GUCY1B1: variants seen among roughly 807,000 people sequenced by gnomAD.
GUCY1B1 encodes the protein guanylate cyclase 1 soluble subunit beta 1, also known as guanylate cyclase soluble subunit beta-1.
GUCY1B1 carries 43 observed loss-of-function variants against 71.0 expected under a neutral mutation model. The observed-to-expected ratio is 0.61, with a 90% CI of 0.47 to 0.78. The LOEUF (loss-of-function observed/expected upper bound fraction) is 0.78. Ranked by LOEUF, GUCY1B1 falls within the 30% of genes least tolerant of loss-of-function variation. The probability of loss-of-function intolerance (pLI) is 0.00; values close to 1 mark genes in which losing one functional copy is unlikely to be tolerated. For synonymous variants in GUCY1B1, 266 were observed against 259.7 expected, an observed-to-expected ratio of 1.02 and a Z score of -0.23; for missense variants, 535 against 754.1, an observed-to-expected ratio of 0.71 and a Z score of 3.40.
intron 8 of GUCY1B1, among the ~76,000 whole-genome samples, chr4:155,798,050 T>A (rs1308606085): frequency 6.6e-6 from 1 of 152,160 alleles, no homozygotes; most frequent in African/African-American, 2.4e-5. Flanking sequence ...GCAATTTCTA[T>A]TTATGGAAAG....
At chr4:155,790,873 GTTAGTTC>G (rs1018536506) in intron 5 of GUCY1B1, among the ~76,000 whole-genome samples, 1 of 152,146 alleles carries the variant, frequency 6.6e-6, no homozygotes, top group Non-Finnish European at 1.5e-5. Context: ...AGAAGTTGGT[GTTAGTTC>G]TTACGTGGCA....
intron 4 of GUCY1B1, among the ~76,000 whole-genome samples, chr4:155,781,726 ACTC>A (rs1738430619): frequency 6.6e-6 from 1 of 151,778 alleles, no homozygotes; most frequent in Non-Finnish European, 1.5e-5. Context: ...TTGTAGAAAT[ACTC>A]CTCTTCTCTA....
intron 5 of GUCY1B1, among the ~76,000 whole-genome samples, chr4:155,791,217 CCATTCT>C (rs2111116005): frequency 6.6e-6 from 1 of 151,478 alleles, no homozygotes; most frequent in Admixed American, 6.6e-5. Context: ...CGGGTTCACG[CCATTCT>C]CCTGCCTCAG....
intron 4 of GUCY1B1, among the ~76,000 whole-genome samples, chr4:155,777,869 AG>A (rs1738162710): frequency 6.6e-6 from 1 of 152,172 alleles, no homozygotes; most frequent in Non-Finnish European, 1.5e-5. Flanking sequence ...TGAATATGCA[AG>A]TTGTAAATTA....
intron 8 of GUCY1B1, among the ~76,000 whole-genome samples, chr4:155,797,137 AAAAATTATGTCTAAATT>A (rs777996486): frequency 5.9e-5 from 9 of 152,364 alleles, no homozygotes; most frequent in Non-Finnish European, 1.0e-4. Context: ...TCAGAAATAT[AAAAATTATGTCTAAATT>A]TGCTTCAGAA....
intron 9 of GUCY1B1, 119 bp downstream of exon 9, chr4:155,800,193 A>G: frequency 1.8e-6 from 1 of 547,890 alleles, no homozygotes; most frequent in Non-Finnish European, 3.1e-6. Context: ...GGTGTAGTAA[A>G]TAAAATCTTT....
rs1404947254 is a variant in GUCY1B1, at chr4:155,774,716, AGAGTACTAT to A, written c.78-250_78-242del. ...AATGGCAGGTATTGTATTGAGCAGT[AGAGTACTAT>A]GTACTGTTAATCTTGCTAAAATATA... On this transcript the variant is annotated intron_variant, in intron 2 of 13. Transcript: ENST00000264424. Among the ~76,000 whole-genome samples the A allele has an allele frequency of 5.1e-4, 77 of 152,198 alleles. 1 individual carries two copies. The highest frequency in any genetic ancestry group is 1.8e-3 in the African/African-American group (75 of 41,442).
chr4:155,792,381 A>G (rs182539167), intron 5 of GUCY1B1, among the ~76,000 whole-genome samples: 1 of 152,192 alleles, frequency 6.6e-6, no homozygotes, highest in African/African-American at 2.4e-5. Flanking sequence ...ACAGAGTAGA[A>G]CATCAAAAGT....
At chr4:155,800,798 C>G (rs901516982) in intron 9 of GUCY1B1, among the ~76,000 whole-genome samples, 3 of 152,056 alleles carry the variant, frequency 2.0e-5, no homozygotes, top group African/African-American at 7.2e-5. Flanking sequence ...GCTATTTTAC[C>G]CAGGTTCTTA....
chr4:155,762,326 G>GA (rs1560997491), intron 2 of GUCY1B1, among the ~76,000 whole-genome samples: 1 of 147,746 alleles, frequency 6.8e-6, no homozygotes, highest in East Asian at 2.0e-4. Context: ...AATATAAGAG[G>GA]AAAAACATTT....
intron 2 of GUCY1B1, among the ~76,000 whole-genome samples, chr4:155,770,981 T>C (rs1280824637): frequency 6.6e-6 from 1 of 152,210 alleles, no homozygotes; most frequent in Non-Finnish European, 1.5e-5. Flanking sequence ...AGCTAAAATA[T>C]AAGCTTTATG....
chr4:155,760,066 G>T (rs1736875071), intron 2 of GUCY1B1, among the ~76,000 whole-genome samples: 1 of 152,136 alleles, frequency 6.6e-6, no homozygotes, highest in African/African-American at 2.4e-5. Flanking sequence ...GGGCGGGGCT[G>T]CGAGGGCGAG....
At chr4:155,773,597 C>T (rs1379877719) in intron 2 of GUCY1B1, among the ~76,000 whole-genome samples, 2 of 152,092 alleles carry the variant, frequency 1.3e-5, no homozygotes, top group Non-Finnish European at 2.9e-5. Context: ...ACCCCTTGTC[C>T]GCCTCCAACA....
intron 6 of GUCY1B1, among the ~76,000 whole-genome samples, chr4:155,794,362 CT>C (rs1183578551): frequency 6.6e-6 from 1 of 152,004 alleles, no homozygotes; most frequent in Non-Finnish European, 1.5e-5. Flanking sequence ...AAATGGGTAA[CT>C]TTTTAGTAAC....
chr4:155,800,567 A>G (rs1187864361), intron 9 of GUCY1B1, among the ~76,000 whole-genome samples: 2 of 152,236 alleles, frequency 1.3e-5, no homozygotes, highest in African/African-American at 2.4e-5. Context: ...TTGTAATATT[A>G]TATGTAATGA....
At chr4:155,775,919 A>G (rs1579207640) in intron 3 of GUCY1B1, among the ~76,000 whole-genome samples, 1 of 152,232 alleles carries the variant, frequency 6.6e-6, no homozygotes, top group African/African-American at 2.4e-5. Context: ...ATACAATAGA[A>G]TGAAGCTTTT....
intron 9 of GUCY1B1, among the ~76,000 whole-genome samples, chr4:155,800,676 A>G (rs1350890828): frequency 2.0e-5 from 3 of 152,228 alleles, no homozygotes; most frequent in African/African-American, 7.2e-5. Flanking sequence ...GAGCAAGGAC[A>G]TGAAAGATAA....
intron 7 of GUCY1B1, 75 bp downstream of exon 7, chr4:155,795,532 C>T (rs1047737726): frequency 4.2e-6 from 3 of 709,202 alleles, no homozygotes; most frequent in Admixed American, 4.6e-5. Context: ...GGAAAATTAT[C>T]ACATTCTCTG....
At chr4:155,794,962 G>T (rs1462127434) in intron 6 of GUCY1B1, among the ~76,000 whole-genome samples, 1 of 152,076 alleles carries the variant, frequency 6.6e-6, no homozygotes, top group Non-Finnish European at 1.5e-5. Flanking sequence ...TTAAGAGAGG[G>T]TTTGCTCATG....
Sources: allele counts gnomAD v4.1 joint callset (sites outside exome capture counted in the v4.1 genomes callset), GRCh38; gene constraint gnomAD v4.1.1; transcripts MANE v1.5; gene names NCBI Gene and HGNC (gene_info 2026-07-23, HGNC 2026-07-21).